Variants in PLEKHH2 observed in about 807,000 individuals in gnomAD.
The protein encoded by PLEKHH2 is pleckstrin homology, MyTH4 and FERM domain containing H2, also known as pleckstrin homology domain-containing family H member 2.
A neutral mutation model predicts 187.9 loss-of-function variants in PLEKHH2; 129 were observed. That is an observed-to-expected ratio of 0.69 (90% CI 0.59 to 0.79). The LOEUF is 0.79. Among genes scored for constraint, PLEKHH2 ranks in the 30% least tolerant of loss-of-function variants. The probability of loss-of-function intolerance (pLI) is 0.00; values close to 1 mark genes in which losing one functional copy is unlikely to be tolerated. For synonymous variants in PLEKHH2, 686 were observed against 605.6 expected, an observed-to-expected ratio of 1.13 and a Z score of -1.95; for missense variants, 2,076 against 1,751.2, an observed-to-expected ratio of 1.19 and a Z score of -3.31.
chr2:43,685,661 C>T (rs971527574), intron 3 of PLEKHH2, among the ~76,000 whole-genome samples: 15 of 145,766 alleles, frequency 1.0e-4, no homozygotes, highest in Non-Finnish European at 1.9e-4. Flanking sequence ...AGATTAGTCT[C>T]GAACTTGTCA....
rs116827341 is a variant in PLEKHH2 at position 43,766,105 on chromosome 2, G to C, written c.*507G>C. ...ATAAGAAACTGCTGCAGAGTGGTGC[G>C]AGGAGTACATTTTCAGAGCAGGTGC... On this transcript the variant is annotated 3_prime_UTR_variant, in exon 30 of 30. Coordinates refer to ENST00000282406, the MANE Select transcript of PLEKHH2 (RefSeq NM_172069.4). 1 of 153,100 alleles carries C rather than the reference G, an allele frequency of 6.5e-6. No individual in the cohort carries two copies. 9.5% of individuals were successfully genotyped at this position (153,100 alleles called of 1,614,324 possible).
intron 17 of PLEKHH2, among the ~76,000 whole-genome samples, chr2:43,728,401 C>T (rs544345380): frequency 9.5e-4 from 141 of 148,842 alleles, no homozygotes; most frequent in African/African-American, 2.7e-4. Context: ...ATCACTTGAA[C>T]CTGGAGGCAG....
At chr2:43,700,660 T>A in intron 8 of PLEKHH2, 52 bp downstream of exon 8, 1 of 1,514,972 alleles carries the variant, frequency 6.6e-7, no homozygotes, top group Non-Finnish European at 8.8e-7. Flanking sequence ...TTCTCAACAC[T>A]TTTTTTTTCT....
chr2:43,745,733 G>T (rs890271552), intron 23 of PLEKHH2, 133 bp from the exon 24 acceptor site: 6 of 602,136 alleles, frequency 1.0e-5, no homozygotes, highest in Non-Finnish European at 1.7e-5. Flanking sequence ...CCGCACAGAG[G>T]CTGAAAACAA....
At chr2:43,692,053 C>A (rs1208447199) in intron 3 of PLEKHH2, among the ~76,000 whole-genome samples, 3 of 152,132 alleles carry the variant, frequency 2.0e-5, no homozygotes, top group African/African-American at 4.8e-5. Context: ...TTCCCACCCC[C>A]CTTTCCATTG....
chr2:43,765,435 T>C lies in PLEKHH2; in HGVS notation c.4319T>C (p.Ile1440Thr). The change falls in exon 30 of 30, where the codon ATC becomes ACC. Residue 1440 changes from isoleucine to threonine, a missense_variant. Coordinates refer to ENST00000282406, the MANE Select transcript of PLEKHH2 (RefSeq NM_172069.4). ...KPKILEITLL[I>T]ASYINNFHQQ... ...TAGATTCTTGAAATCACTCTTTTGA[T>C]CGCCAGTTACATAAACAACTTCCAT... is the stretch of plus-strand genomic sequence containing the variant. The C allele has an allele frequency of 6.2e-7, 1 of 1,614,152 alleles. No individual in the cohort carries two copies. Among genetic ancestry groups the C allele is most frequent in the East Asian group, 2.2e-5 (1 of 44,882 alleles).
At chr2:43,760,765 A>T (rs912330710) in intron 27 of PLEKHH2, among the ~76,000 whole-genome samples, 1 of 152,012 alleles carries the variant, frequency 6.6e-6, no homozygotes, top group African/African-American at 2.4e-5. Context: ...TATTTTCCCA[A>T]ACTGAAACTG....
At chr2:43,738,957 T>C (rs958849316) in intron 20 of PLEKHH2, among the ~76,000 whole-genome samples, 1 of 152,324 alleles carries the variant, frequency 6.6e-6, no homozygotes, top group African/African-American at 2.4e-5. Context: ...AATGGCACAA[T>C]GTCGGCTCAC....
At chr2:43,651,902 C>T (rs903943608) in intron 2 of PLEKHH2, among the ~76,000 whole-genome samples, 1 of 152,050 alleles carries the variant, frequency 6.6e-6, no homozygotes, top group African/African-American at 2.4e-5. Context: ...GATTATTTTC[C>T]TGTTTTTATG....
rs867119281 is a variant in PLEKHH2 at position 43,759,027 on chromosome 2, A to C, written c.4069A>C (p.Lys1357Gln). 8.7e-6 allele frequency: 14 copies of C among 1,611,688 alleles called. No individual in the cohort carries two copies. The Middle Eastern group carries it at 1.7e-3, about 190-fold the overall frequency. ...CTTTGGTGCCAAGTTGTTTCTTGCA[A>C]AAGTAAGAAAGAATGGGAGAGAGAT... is the stretch of plus-strand genomic sequence containing the variant. ...PFFGAKLFLA[K>Q]PITPSSLGST... is the part of the protein sequence containing the mutation. Residue 1357 changes from lysine to glutamine, a missense_variant and splice_region_variant, in exon 27 of 30, where the codon AAA becomes CAA. Transcript: ENST00000282406.
chr2:43,743,827 T>G lies in PLEKHH2; in HGVS notation c.3400-7T>G, dbSNP rs766690989. On this transcript the variant is annotated splice_polypyrimidine_tract_variant and splice_region_variant and intron_variant, in intron 22 of 29. Coordinates refer to ENST00000282406, the MANE Select transcript of PLEKHH2 (RefSeq NM_172069.4). ...ATTAAGAGAACTGCTTTGTTATTTCTGTCTAGGTAGTTGGTTTTGACGCAT... is the reference window on the plus strand; with the variant it reads ...ATTAAGAGAACTGCTTTGTTATTTCGGTCTAGGTAGTTGGTTTTGACGCAT... The G allele has an allele frequency of 1.2e-6, 2 of 1,608,352 alleles. No homozygotes were observed. The highest frequency in any genetic ancestry group is 2.2e-5 in the South Asian group (2 of 90,430).
At chr2:43,649,882 A>G (rs1187904242) in intron 2 of PLEKHH2, among the ~76,000 whole-genome samples, 1 of 152,156 alleles carries the variant, frequency 6.6e-6, no homozygotes, top group Non-Finnish European at 1.5e-5. Context: ...TAAATTAACC[A>G]ATCCATTAAA....
intron 3 of PLEKHH2, among the ~76,000 whole-genome samples, chr2:43,681,907 T>G (rs1668211702): frequency 6.6e-6 from 1 of 152,224 alleles, no homozygotes; most frequent in African/African-American, 2.4e-5. Context: ...AATCTTTGAT[T>G]TTTTTAATTA....
At chr2:43,740,668 C>A in intron 20 of PLEKHH2, 1 of 254,674 alleles carries the variant, frequency 3.9e-6, no homozygotes, top group Non-Finnish European at 7.1e-6. Context: ...TGTTCCTAAT[C>A]TTTGAGTGTA....
chr2:43,680,469 A>C (rs911579896), intron 3 of PLEKHH2: 1 of 158,022 alleles, frequency 6.3e-6, no homozygotes, highest in African/African-American at 2.4e-5. Flanking sequence ...TCTCCTAAGA[A>C]GTGCATATGA....
At chr2:43,763,380 G>A (rs1239263214) in intron 28 of PLEKHH2, among the ~76,000 whole-genome samples, 4 of 151,940 alleles carry the variant, frequency 2.6e-5, no homozygotes, top group African/African-American at 9.7e-5. Context: ...GTCCTTTCAG[G>A]CTGTATATTA....
chr2:43,703,207 A>C (rs1374850690), intron 8 of PLEKHH2, among the ~76,000 whole-genome samples: 1 of 152,208 alleles, frequency 6.6e-6, no homozygotes, highest in East Asian at 1.9e-4. Context: ...TGTCCAAGTT[A>C]GACCCATTAT....
At chr2:43,670,763 A>G (rs1313753008) in intron 2 of PLEKHH2, among the ~76,000 whole-genome samples, 3 of 152,150 alleles carry the variant, frequency 2.0e-5, no homozygotes, top group Admixed American at 6.5e-5. Context: ...GGTCAATTGG[A>G]AGAGAACTGA....
At chr2:43,724,353 T>C (rs999128230) in intron 16 of PLEKHH2, among the ~76,000 whole-genome samples, 4 of 152,336 alleles carry the variant, frequency 2.6e-5, no homozygotes, top group Non-Finnish European at 1.5e-5. Context: ...AATATCCTTG[T>C]AGTTAGAATG....
Sources: gnomAD v4.1 joint callset for allele counts (sites outside exome capture counted in the v4.1 genomes callset) on GRCh38, gnomAD v4.1.1 for gene constraint, MANE v1.5 for transcripts, NCBI Gene and HGNC (gene_info 2026-07-23, HGNC 2026-07-21) for gene names.